ADGRL3: variants seen among roughly 807,000 people sequenced by gnomAD.
ADGRL3 encodes the protein calcium-independent alpha-latrotoxin receptor 3.
Under a neutral mutation model 153.5 loss-of-function variants are expected in ADGRL3, and 62 were observed. The observed-to-expected ratio is 0.40, with a 90% confidence interval of 0.33 to 0.50. The LOEUF is 0.50. Ranked by LOEUF, ADGRL3 falls within the 20% of genes least tolerant of loss-of-function variation. The pLI, the probability that ADGRL3 is intolerant of heterozygous loss-of-function variation, is 0.47. For missense variants in ADGRL3, 1,641 were observed against 1,859.4 expected (o/e 0.88, Z 2.16); for synonymous variants, 710 against 672.5 (o/e 1.06, Z -0.86).
Position 61,715,391 on chromosome 4 carries a change from G to T in ADGRL3, c.584-15231G>T, listed in dbSNP as rs551024253. Among the ~76,000 whole-genome samples the T allele has an allele frequency of 3.9e-5, 6 of 152,290 alleles. No individual in the cohort carries two copies. In the South Asian group the frequency reaches 1.2e-3, roughly 32 times the overall value. On this transcript the variant is annotated intron_variant, in intron 6 of 26. Transcript: ENST00000683033. ...AATGTATAGGAGATTGTTAAAGGCA[G>T]TATTCAATGGTAAGTGGTGTGTGCA...
At chr4:61,603,839 G>A (rs1008501303) in intron 5 of ADGRL3, among the ~76,000 whole-genome samples, 3 of 152,044 alleles carry the variant, frequency 2.0e-5, no homozygotes, top group Non-Finnish European at 4.4e-5. Context: ...GGTTCCTGCA[G>A]CAGCACCATA....
At chr4:61,376,677 A>G (rs1428607940) in intron 1 of ADGRL3, among the ~76,000 whole-genome samples, 1 of 152,134 alleles carries the variant, frequency 6.6e-6, no homozygotes, top group East Asian at 1.9e-4. Flanking sequence ...GTATTTTACC[A>G]TCTTTTCTCC....
At chr4:61,204,895 C>T (rs1180850817) in intron 1 of ADGRL3, among the ~76,000 whole-genome samples, 1 of 152,022 alleles carries the variant, frequency 6.6e-6, no homozygotes, top group East Asian at 1.9e-4. Flanking sequence ...TGAGAGTGCT[C>T]CTCAAAAATA....
At chr4:61,404,818 G>C (rs1482445071) in intron 2 of ADGRL3, among the ~76,000 whole-genome samples, 1 of 151,972 alleles carries the variant, frequency 6.6e-6, no homozygotes, top group Non-Finnish European at 1.5e-5. Context: ...CAGAGTCGTG[G>C]TTAAACAATG....
chr4:61,302,706 T>C (rs769949305), intron 1 of ADGRL3, among the ~76,000 whole-genome samples: 1 of 152,154 alleles, frequency 6.6e-6, no homozygotes, highest in Non-Finnish European at 1.5e-5. Flanking sequence ...TAGATTGAGA[T>C]ATAACTATAA....
chr4:61,530,920 C>A (rs1455391836), intron 4 of ADGRL3, among the ~76,000 whole-genome samples: 1 of 152,072 alleles, frequency 6.6e-6, no homozygotes, highest in Non-Finnish European at 1.5e-5. Context: ...TATGTTTCTT[C>A]CTTATTTGGT....
chr4:62,019,847 T>G lies in ADGRL3; in HGVS notation c.3396-9008T>G, dbSNP rs531186280. Among the ~76,000 whole-genome samples the G allele has an allele frequency of 4.6e-5, 7 of 152,318 alleles. No homozygotes were observed. The South Asian group carries it at 1.4e-3, about 32-fold the overall frequency. Reference sequence around the variant, plus strand: ...AAAAGCTTTTACTAATTTATAACTTTTTAAGAACTATCGAATATTCTTTTC... The same window carrying G: ...AAAAGCTTTTACTAATTTATAACTTGTTAAGAACTATCGAATATTCTTTTC... On this transcript the variant is annotated intron_variant, in intron 21 of 26. Coordinates refer to ENST00000683033, the MANE Select transcript of ADGRL3 (RefSeq NM_001387552.1).
chr4:62,040,576 T>A (rs1727709343), intron 24 of ADGRL3, among the ~76,000 whole-genome samples: 1 of 152,046 alleles, frequency 6.6e-6, no homozygotes, highest in Non-Finnish European at 1.5e-5. Flanking sequence ...AAAATAACTA[T>A]CTCTATATAT....
rs185266610 is a variant in ADGRL3, at chr4:61,717,027, G to A, written c.584-13595G>A. Among the ~76,000 whole-genome samples the A allele has an allele frequency of 1.8e-3, 267 of 152,206 alleles. 2 individuals carry two copies. The highest frequency in any genetic ancestry group is 5.9e-3 in the African/African-American group (247 of 41,530). ...AATTCATGCATCTAGATGCATGAAA[G>A]GTGAACTGATGTTAAGGAGAGACTT... On this transcript the variant is annotated intron_variant, in intron 6 of 26. Transcript: ENST00000683033.
intron 5 of ADGRL3, among the ~76,000 whole-genome samples, chr4:61,661,317 A>C (rs1341965812): frequency 6.6e-6 from 1 of 152,132 alleles, no homozygotes; most frequent in Non-Finnish European, 1.5e-5. Flanking sequence ...TCCATTTAAA[A>C]ATAGTAAAGA....
intron 1 of ADGRL3, among the ~76,000 whole-genome samples, chr4:61,208,746 C>G (rs1288668912): frequency 1.3e-5 from 2 of 152,062 alleles, no homozygotes; most frequent in East Asian, 3.9e-4. Context: ...ATTTCAAAGA[C>G]CCCAATTGAA....
At chr4:61,983,707 C>T (rs1445513657) in intron 19 of ADGRL3, 104 bp downstream of exon 19, 1 of 972,344 alleles carries the variant, frequency 1.0e-6, no homozygotes, top group Non-Finnish European at 1.6e-6. Context: ...AGAAACTGGG[C>T]AGCAAATGTG....
intron 1 of ADGRL3, among the ~76,000 whole-genome samples, chr4:61,317,581 T>G (rs1330421091): frequency 6.6e-6 from 1 of 152,170 alleles, no homozygotes; most frequent in African/African-American, 2.4e-5. Flanking sequence ...GGTTTTTCTT[T>G]GTGTATTAGG....
chr4:61,311,387 C>T lies in ADGRL3; in HGVS notation c.-239-71737C>T, dbSNP rs1002493539. ...GTATTTGGAAGGCCAGGTCTGCTCA[C>T]ATTTTATAAGCCAAAACTCAGTCAT... On this transcript the variant is annotated intron_variant, in intron 1 of 26. Coordinates refer to ENST00000683033, the MANE Select transcript of ADGRL3 (RefSeq NM_001387552.1). Among the ~76,000 whole-genome samples the T allele has an allele frequency of 2.0e-5, 3 of 152,296 alleles. No individual in the cohort carries two copies. In the Middle Eastern group the frequency reaches 0.01, roughly 518 times the overall value.
intron 8 of ADGRL3, among the ~76,000 whole-genome samples, chr4:61,781,331 CAA>C (rs71281828): frequency 7.3e-4 from 47 of 64,356 alleles, no homozygotes; most frequent in Non-Finnish European, 9.7e-4. Flanking sequence ...ATTCTGCCTC[CAA>C]AAAAAAAAAA....
At chr4:61,428,889 TATATC>T (rs67886816) in intron 2 of ADGRL3, among the ~76,000 whole-genome samples, 4,935 of 83,650 alleles carry the variant, frequency 0.059, 97 homozygotes, top group Non-Finnish European at 0.071. Flanking sequence ...TCTATCTATC[TATATC>T]ATCTATCTAT....
intron 23 of ADGRL3, among the ~76,000 whole-genome samples, chr4:62,033,736 T>C (rs1723462749): frequency 6.6e-6 from 1 of 151,800 alleles, no homozygotes; most frequent in Non-Finnish European, 1.5e-5. Context: ...GTATAGTAGA[T>C]TTATTTGCCT....
chr4:61,510,093 C>T (rs148343639), intron 3 of ADGRL3, among the ~76,000 whole-genome samples: 3 of 152,074 alleles, frequency 2.0e-5, no homozygotes, highest in South Asian at 2.1e-4. Flanking sequence ...TCATGTCCTT[C>T]GCCTGCTTTT....
intron 5 of ADGRL3, among the ~76,000 whole-genome samples, chr4:61,618,293 G>A (rs1190153271): frequency 1.1e-4 from 16 of 152,142 alleles, no homozygotes; most frequent in Admixed American, 3.3e-4. Context: ...ACAGATTATC[G>A]TTAATGCTTG....
Sources: allele counts gnomAD v4.1 joint callset (sites outside exome capture counted in the v4.1 genomes callset), GRCh38; gene constraint gnomAD v4.1.1; transcripts MANE v1.5; gene names NCBI Gene and HGNC (gene_info 2026-07-23, HGNC 2026-07-21).